Variants in EPC2 observed in about 807,000 individuals in gnomAD.
EPC2 encodes enhancer of polycomb 2.
Under a neutral mutation model 92.1 loss-of-function variants are expected in EPC2, and 14 were observed. The observed-to-expected ratio is 0.15, with a 90% CI of 0.10 to 0.24. The LOEUF is 0.24. EPC2 is among the 10% of genes least tolerant of loss of function. The pLI, the probability that EPC2 is intolerant of heterozygous loss-of-function variation, is 1.00. For synonymous variants in EPC2, 340 were observed against 334.7 expected (o/e 1.02, Z -0.17); for missense variants, 755 against 971.5 (o/e 0.78, Z 2.96).
Position 148,748,110 on chromosome 2 carries a change from A to G in EPC2, c.459+4343A>G, listed in dbSNP as rs370941920. On this transcript the variant is annotated intron_variant, in intron 3 of 13. Transcript: ENST00000258484. ...TCACAAGATCTCACAACATTGTTTT[A>G]CAAGATCGATTCACAAGATTGTTTC... 1.5e-4 allele frequency among the ~76,000 whole-genome samples: 23 copies of G among 152,178 alleles called. 2 individuals carry two copies. The East Asian group carries it at 3.7e-3, about 24-fold the overall frequency.
At chr2:148,706,299 A>G (rs1681998086) in intron 2 of EPC2, among the ~76,000 whole-genome samples, 1 of 152,186 alleles carries the variant, frequency 6.6e-6, no homozygotes, top group African/African-American at 2.4e-5. Flanking sequence ...TTTAGAGAAA[A>G]AAGAGTAAAA....
At chr2:148,701,968 G>GT (rs1238171997) in intron 2 of EPC2, among the ~76,000 whole-genome samples, 3 of 151,974 alleles carry the variant, frequency 2.0e-5, no homozygotes, top group African/African-American at 7.2e-5. Flanking sequence ...TCCATTTTCT[G>GT]TAAGTTGTCA....
At chr2:148,656,197 T>C (rs1479145115) in intron 1 of EPC2, among the ~76,000 whole-genome samples, 1 of 152,178 alleles carries the variant, frequency 6.6e-6, no homozygotes, top group Non-Finnish European at 1.5e-5. Context: ...ATTCCTTCCC[T>C]TTAACATCTC....
intron 1 of EPC2, among the ~76,000 whole-genome samples, chr2:148,665,084 G>A (rs1035331756): frequency 1.3e-5 from 2 of 152,202 alleles, no homozygotes; most frequent in Non-Finnish European, 2.9e-5. Context: ...AGTTTGGTCT[G>A]TAGCTACGCA....
chr2:148,719,155 A>G (rs528730820), intron 2 of EPC2, among the ~76,000 whole-genome samples: 3 of 152,100 alleles, frequency 2.0e-5, no homozygotes, highest in Admixed American at 6.5e-5. Context: ...TTTTAACATG[A>G]TACTTAGCTA....
At chr2:148,663,194 G>GTATTATTATTATTATTAT (rs56337513) in intron 1 of EPC2, among the ~76,000 whole-genome samples, 37 of 136,346 alleles carry the variant, frequency 2.7e-4, no homozygotes, top group Non-Finnish European at 3.4e-4. Flanking sequence ...CTGTGTTTTT[G>GTATTATTATTATTATTAT]TATTATTATT....
intron 2 of EPC2, among the ~76,000 whole-genome samples, chr2:148,715,733 A>C (rs1017941585): frequency 6.6e-6 from 1 of 152,194 alleles, no homozygotes; most frequent in African/African-American, 2.4e-5. Context: ...TATGAATTTT[A>C]AAATAGTTTC....
chr2:148,739,610 C>G (rs1682835600), intron 2 of EPC2, among the ~76,000 whole-genome samples: 1 of 152,024 alleles, frequency 6.6e-6, no homozygotes, highest in Non-Finnish European at 1.5e-5. Flanking sequence ...TTTATATATT[C>G]AAACAGCAGG....
At chr2:148,721,712 C>CTTTTTTTTTTT (rs34017461) in intron 2 of EPC2, among the ~76,000 whole-genome samples, 23 of 111,512 alleles carry the variant, frequency 2.1e-4, no homozygotes, top group East Asian at 1.0e-3. Flanking sequence ...CTGTTTTATT[C>CTTTTTTTTTTT]TTTTTTTTTT....
intron 2 of EPC2, among the ~76,000 whole-genome samples, chr2:148,724,333 A>G (rs1682445505): frequency 6.6e-6 from 1 of 152,152 alleles, no homozygotes; most frequent in Non-Finnish European, 1.5e-5. Context: ...AATGTTAGTG[A>G]CCAGATCAGG....
chr2:148,762,048 G>C (rs1683309509), intron 5 of EPC2, 118 bp downstream of exon 5: 1 of 767,688 alleles, frequency 1.3e-6, no homozygotes. Context: ...TATTGATTCT[G>C]TAAGAATTTA....
intron 4 of EPC2, among the ~76,000 whole-genome samples, chr2:148,760,215 C>G (rs181391815): frequency 5.3e-5 from 8 of 152,308 alleles, no homozygotes; most frequent in Middle Eastern, 3.4e-3. Flanking sequence ...TGAGATCACA[C>G]CACTGCACTC....
At chr2:148,767,129 TGAA>T (rs1683424731) in intron 7 of EPC2, among the ~76,000 whole-genome samples, 2 of 149,072 alleles carry the variant, frequency 1.3e-5, no homozygotes, top group Non-Finnish European at 3.0e-5. Flanking sequence ...GCCAGGGAGA[TGAA>T]GGTTGCTGTG....
chr2:148,726,770 T>G (rs992857373), intron 2 of EPC2, among the ~76,000 whole-genome samples: 8 of 150,280 alleles, frequency 5.3e-5, no homozygotes, highest in Non-Finnish European at 1.0e-4. Flanking sequence ...TTTTTGTTTT[T>G]TTTTTTTTTG....
At chr2:148,709,446 T>A (rs548924367) in intron 2 of EPC2, among the ~76,000 whole-genome samples, 80 of 152,254 alleles carry the variant, frequency 5.3e-4, no homozygotes, top group African/African-American at 1.9e-3. Flanking sequence ...TTAAATGCCA[T>A]CCCCATCAAG....
intron 3 of EPC2, among the ~76,000 whole-genome samples, chr2:148,752,646 G>C (rs1683102230): frequency 2.0e-5 from 3 of 152,160 alleles, no homozygotes; most frequent in East Asian, 1.9e-4. Flanking sequence ...TACAATACTT[G>C]AGTTGACATT....
At chr2:148,691,997 CAAT>C in intron 2 of EPC2, 1 of 354,782 alleles carries the variant, frequency 2.8e-6, no homozygotes, top group Non-Finnish European at 5.5e-6. Context: ...TGATAGAATT[CAAT>C]AATAGTCATA....
At chr2:148,650,596 G>A (rs1375406678) in intron 1 of EPC2, among the ~76,000 whole-genome samples, 1 of 151,906 alleles carries the variant, frequency 6.6e-6, no homozygotes, top group African/African-American at 2.4e-5. Context: ...AATTTGAATT[G>A]CCATATCTCC....
In EPC2 at chr2:148,775,714, TA is replaced by T. The variant is rs1166606462; in HGVS notation, c.1720+4333del. 1.2e-3 allele frequency among the ~76,000 whole-genome samples: 9 copies of T among 7,682 alleles called. No homozygotes were observed. In the East Asian group the frequency reaches 0.025, roughly 22 times the overall value. The allele number at this position is 7,682 out of a possible 152,430, so 5.0% of individuals were successfully genotyped here. On this transcript the variant is annotated intron_variant, in intron 10 of 13. Transcript: ENST00000258484. ...AATAAAATTAAATATCTTTATTAAATAAAAAATTAAATATCTTTAAATATCT... is the reference window on the plus strand; with the variant it reads ...AATAAAATTAAATATCTTTATTAAATAAAAATTAAATATCTTTAAATATCT...
Sources: gnomAD v4.1 joint callset for allele counts (sites outside exome capture counted in the v4.1 genomes callset) on GRCh38, gnomAD v4.1.1 for gene constraint, MANE v1.5 for transcripts, NCBI Gene and HGNC (gene_info 2026-07-23, HGNC 2026-07-21) for gene names.